Variants in IQCE observed in about 807,000 individuals in gnomAD.
IQCE encodes IQ motif containing E, also known as IQ domain-containing protein E.
Under a neutral mutation model 96.0 loss-of-function variants are expected in IQCE, and 115 were observed. The observed-to-expected ratio is 1.20, with a 90% CI of 1.03 to 1.40. The LOEUF (loss-of-function observed/expected upper bound fraction) is 1.40, where lower values mean the gene tolerates loss of function less well. Ranked by LOEUF, IQCE falls within the 40% of genes most tolerant of loss-of-function variation. The pLI is 0.00. For missense variants in IQCE, 1,041 were observed against 909.1 expected, an observed-to-expected ratio of 1.15 and a Z score of -1.87; for synonymous variants, 412 against 371.2, an observed-to-expected ratio of 1.11 and a Z score of -1.26.
At chr7:2,591,538 A>T (rs1045837820) in intron 14 of IQCE, among the ~76,000 whole-genome samples, 1 of 150,620 alleles carries the variant, frequency 6.6e-6, no homozygotes, top group Non-Finnish European at 1.5e-5. Context: ...AAGAGCTAGG[A>T]GCTGGTTAGA....
intron 5 of IQCE, among the ~76,000 whole-genome samples, 185 bp from the exon 6 acceptor site, chr7:2,573,233 C>T (rs2304541): frequency 2.0e-5 from 3 of 152,084 alleles, no homozygotes; most frequent in Non-Finnish European, 4.4e-5. Context: ...ACCATTTTTG[C>T]TTTTCTTGCT....
chr7:2,608,953 T>TA (rs1784993431), intron 21 of IQCE, among the ~76,000 whole-genome samples: 1 of 152,244 alleles, frequency 6.6e-6, no homozygotes, highest in South Asian at 2.1e-4. Context: ...CTGACACAGT[T>TA]ACAGTATCTG....
intron 1 of IQCE, among the ~76,000 whole-genome samples, chr7:2,565,880 C>T (rs760436359): frequency 4.6e-5 from 7 of 152,182 alleles, no homozygotes; most frequent in Admixed American, 1.3e-4. Context: ...CTTTGCCCCT[C>T]GAAATGCAGT....
chr7:2,587,936 C>T (rs1334001479), intron 13 of IQCE, 59 bp downstream of exon 13: 16 of 1,490,518 alleles, frequency 1.1e-5, no homozygotes, highest in Admixed American at 6.9e-5. Context: ...GCTGTGGGGA[C>T]GGGCTCACAG....
chr7:2,569,276 C>T lies in IQCE; in HGVS notation c.130+277C>T, dbSNP rs576635667. 8.5e-5 allele frequency among the ~76,000 whole-genome samples: 13 copies of T among 152,278 alleles called. No homozygotes were observed. In the South Asian group the frequency reaches 1.9e-3, roughly 22 times the overall value. On this transcript the variant is annotated intron_variant, in intron 3 of 21. Coordinates refer to ENST00000402050, the MANE Select transcript of IQCE (RefSeq NM_152558.5). ...CTGCCACCAACTCCCCAGTCTCCCCCGACAGTGCCTCTAGGCCTTTTGTTT... is the reference window on the plus strand; with the variant it reads ...CTGCCACCAACTCCCCAGTCTCCCCTGACAGTGCCTCTAGGCCTTTTGTTT...
intron 8 of IQCE, among the ~76,000 whole-genome samples, chr7:2,581,620 T>G (rs1035092724): frequency 2.0e-4 from 30 of 152,144 alleles, no homozygotes; most frequent in Admixed American, 7.9e-4. Flanking sequence ...GCAGGCAGAT[T>G]GCTTGAGTCC....
intron 16 of IQCE, 64 bp downstream of exon 16, chr7:2,595,040 G>GA: frequency 8.6e-7 from 1 of 1,159,898 alleles, no homozygotes; most frequent in Non-Finnish European, 1.3e-6. Flanking sequence ...TGACGGTTCT[G>GA]ACCGTTTCCC....
At chr7:2,565,817 G>A (rs1490305035) in intron 1 of IQCE, among the ~76,000 whole-genome samples, 1 of 152,128 alleles carries the variant, frequency 6.6e-6, no homozygotes, top group Non-Finnish European at 1.5e-5. Context: ...AAAAATTTCA[G>A]TCAATGGCTG....
chr7:2,596,870 A>G (rs1784076749), intron 16 of IQCE: 3 of 432,902 alleles, frequency 6.9e-6, no homozygotes, highest in Non-Finnish European at 1.5e-5. Context: ...AAGGGCCGGA[A>G]TGCTGGTGCC....
intron 16 of IQCE, among the ~76,000 whole-genome samples, chr7:2,596,052 AG>A (rs1298327904): frequency 2.0e-5 from 3 of 152,240 alleles, no homozygotes; most frequent in Non-Finnish European, 4.4e-5. Flanking sequence ...TCAGACGAAA[AG>A]CAAGGAACTT....
intron 4 of IQCE, 42 bp downstream of exon 4, chr7:2,571,696 A>G: frequency 6.4e-7 from 1 of 1,571,214 alleles, no homozygotes; most frequent in Non-Finnish European, 8.6e-7. Context: ...GCTTGAGAGA[A>G]GAGTTCGAGA....
chr7:2,591,366 C>T (rs1284600034), intron 14 of IQCE, among the ~76,000 whole-genome samples: 1 of 152,172 alleles, frequency 6.6e-6, no homozygotes, highest in African/African-American at 2.4e-5. Context: ...GGCCGTGGAA[C>T]ACCCGGCCTG....
Position 2,591,610 on chromosome 7 carries a change from C to T in IQCE, c.1245-1412C>T, listed in dbSNP as rs961791220. Among the ~76,000 whole-genome samples, 11 of 147,612 alleles carry T rather than the reference C, an allele frequency of 7.5e-5. No individual in the cohort carries two copies. In the East Asian group the frequency reaches 2.0e-3, roughly 27 times the overall value. On this transcript the variant is annotated intron_variant, in intron 14 of 21. Coordinates refer to ENST00000402050, the MANE Select transcript of IQCE (RefSeq NM_152558.5). ...CATACTCTGCTTCCAGTGGGATCTGCGGGTGATTTTTTTTTTTTTTTTTTT... is the reference window on the plus strand; with the variant it reads ...CATACTCTGCTTCCAGTGGGATCTGTGGGTGATTTTTTTTTTTTTTTTTTT...
At chr7:2,564,598 A>C (rs1781223819) in intron 1 of IQCE, among the ~76,000 whole-genome samples, 1 of 143,946 alleles carries the variant, frequency 6.9e-6, no homozygotes, top group East Asian at 2.0e-4. Context: ...ATTCTGTCTC[A>C]AAAAAAAAAA....
At chr7:2,569,023 C>G in intron 3 of IQCE, 24 bp downstream of exon 3, 1 of 1,609,720 alleles carries the variant, frequency 6.2e-7, no homozygotes, top group Non-Finnish European at 8.5e-7. Flanking sequence ...GGCCTGCCTT[C>G]CCTCTCACGC....
intron 16 of IQCE, among the ~76,000 whole-genome samples, chr7:2,597,781 C>G (rs1784157427): frequency 1.3e-5 from 2 of 152,218 alleles, no homozygotes; most frequent in African/African-American, 2.4e-5. Context: ...ATCCTCCTGC[C>G]TCAGCCTCCC....
At chr7:2,561,344 T>G (rs1780939805) in intron 1 of IQCE, among the ~76,000 whole-genome samples, 1 of 152,212 alleles carries the variant, frequency 6.6e-6, no homozygotes, top group Admixed American at 6.5e-5. Flanking sequence ...TTCCTAAGTA[T>G]TTTATGCTTT....
chr7:2,574,823 C>G (rs1470341379), intron 6 of IQCE, among the ~76,000 whole-genome samples: 1 of 152,140 alleles, frequency 6.6e-6, no homozygotes, highest in Non-Finnish European at 1.5e-5. Flanking sequence ...ATTCTGTCCT[C>G]GAGCTCACGG....
rs749009805 is a variant in IQCE, at chr7:2,590,083, G to T, written c.1221G>T (p.Leu407=). 2 of 1,612,728 alleles carry T rather than the reference G, an allele frequency of 1.2e-6. No individual in the cohort carries two copies. Among genetic ancestry groups the T allele is most frequent in the Non-Finnish European group, 1.7e-6 (2 of 1,179,652 alleles). ...ACCTGAAGGAAGAGCGGACCGCGCTGCAGGAGCAGCTGCTGCAGAGAGAGT... is the reference window on the plus strand; with the variant it reads ...ACCTGAAGGAAGAGCGGACCGCGCTTCAGGAGCAGCTGCTGCAGAGAGAGT... ...VRDLKEERTA[L]QEQLLQRDLE... is the part of the protein sequence containing the mutation. The change falls in exon 14 of 22, where the codon CTG becomes CTT. Residue 407 remains leucine, a synonymous_variant. Transcript: ENST00000402050.
Sources: gnomAD v4.1 joint callset for allele counts (sites outside exome capture counted in the v4.1 genomes callset) on GRCh38, gnomAD v4.1.1 for gene constraint, MANE v1.5 for transcripts, NCBI Gene and HGNC (gene_info 2026-07-23, HGNC 2026-07-21) for gene names.